Variants in FILIP1L observed in about 807,000 individuals in gnomAD.
The protein encoded by FILIP1L is filamin A-interacting protein 1-like.
FILIP1L carries 55 observed loss-of-function variants against 96.6 expected under a neutral mutation model. That is an observed-to-expected ratio of 0.57 (90% CI 0.46 to 0.71). FILIP1L has a LOEUF of 0.71. Ranked by LOEUF, FILIP1L falls within the 30% of genes least tolerant of loss-of-function variation. The pLI is 0.00. For synonymous variants in FILIP1L, 467 were observed against 473.9 expected (o/e 0.99, Z 0.19); for missense variants, 1,304 against 1,321.2 (o/e 0.99, Z 0.20).
In FILIP1L at chr3:99,854,767, G is replaced by A. The variant is rs1334746046; in HGVS notation, c.606-3697C>T. ...ATGTGTGTATGTCAGTCTGTCAGTA[G>A]AAGTTAGACTCCATCGTTTTGCTTT... On this transcript the variant is annotated intron_variant, in intron 4 of 5. Transcript: ENST00000477258. 3.3e-5 allele frequency among the ~76,000 whole-genome samples: 5 copies of A among 152,180 alleles called. No individual in the cohort carries two copies. The East Asian group carries it at 9.6e-4, about 29-fold the overall frequency.
chr3:99,850,320 CCTTT>C lies in FILIP1L; in HGVS notation c.1352_1355del (p.Glu451GlyfsTer2). On this transcript the variant is annotated frameshift_variant, in exon 5 of 6. Transcript: ENST00000477258. LOFTEE classifies it high-confidence loss of function. ...CTTGAGACAACTGCTTTGTGGTCAT[CCTTT>C]CTTTTTCTAAATTGCATTTCAGAGA... 6.2e-7 allele frequency: 1 copy of C among 1,613,242 alleles called. No homozygotes were observed. Among genetic ancestry groups the C allele is most frequent in the Non-Finnish European group, 8.5e-7 (1 of 1,179,912 alleles).
chr3:99,888,543 G>A lies in FILIP1L; in HGVS notation c.605+35687C>T, dbSNP rs188031738. 2.6e-3 allele frequency among the ~76,000 whole-genome samples: 400 copies of A among 152,264 alleles called. 1 individual carries two copies. The highest frequency in any genetic ancestry group is 4.1e-3 in the Non-Finnish European group (277 of 68,020). On this transcript the variant is annotated intron_variant, in intron 4 of 5. Transcript: ENST00000477258. ...CCCCTGAATATTAATGAGTTGGTTCGTTGGTTGGTTTTGTAGAGGTGCCTG... is the reference window on the plus strand; with the variant it reads ...CCCCTGAATATTAATGAGTTGGTTCATTGGTTGGTTTTGTAGAGGTGCCTG...
chr3:100,075,076 A>G (rs1180319190), intron 1 of FILIP1L, among the ~76,000 whole-genome samples: 1 of 152,002 alleles, frequency 6.6e-6, no homozygotes, highest in Non-Finnish European at 1.5e-5. Flanking sequence ...TTTAGGATAT[A>G]TTTTATTGGT....
chr3:99,966,609 G>T (rs1006346093), intron 1 of FILIP1L, among the ~76,000 whole-genome samples: 1 of 152,018 alleles, frequency 6.6e-6, no homozygotes. Context: ...AGAACCCTTC[G>T]CTCTGTATAT....
chr3:100,045,396 A>C (rs2065263265), intron 1 of FILIP1L, among the ~76,000 whole-genome samples: 1 of 152,242 alleles, frequency 6.6e-6, no homozygotes, highest in Non-Finnish European at 1.5e-5. Flanking sequence ...GAAAAGAGTG[A>C]ATAAAGGAAT....
chr3:100,011,204 A>G (rs1253509060), intron 1 of FILIP1L, among the ~76,000 whole-genome samples: 1 of 152,054 alleles, frequency 6.6e-6, no homozygotes, highest in Non-Finnish European at 1.5e-5. Context: ...TCTATATTTG[A>G]TACACTTTCT....
At chr3:100,044,429 G>T (rs1012111680) in intron 1 of FILIP1L, among the ~76,000 whole-genome samples, 6 of 152,198 alleles carry the variant, frequency 3.9e-5, no homozygotes, top group African/African-American at 1.2e-4. Flanking sequence ...GTAAGCTGAG[G>T]CTCAAAGAAT....
intron 1 of FILIP1L, among the ~76,000 whole-genome samples, chr3:100,096,527 CAT>C (rs149100403): frequency 0.016 from 2,419 of 152,124 alleles, 35 homozygotes; most frequent in Non-Finnish European, 0.024. Context: ...ACAAACATCA[CAT>C]GTTCTGACTT....
intron 3 of FILIP1L, among the ~76,000 whole-genome samples, chr3:99,926,230 G>A (rs989423054): frequency 7.2e-5 from 11 of 152,206 alleles, no homozygotes; most frequent in Non-Finnish European, 1.3e-4. Flanking sequence ...AGGTGTCCCA[G>A]CATATAGAAC....
In FILIP1L at chr3:99,849,767, G is replaced by A. The variant is rs113764818; in HGVS notation, c.1909C>T (p.Leu637=). ...ELSQEVERLK[L]KLKDMKAIED... ...ATGGCTTTCATGTCCTTTAGCTTCA[G>A]TTTCAGTCTTTCCACTTCTTGAGAG... The change falls in exon 5 of 6, where the codon CTG becomes TTG. Residue 637 remains leucine (L), a synonymous_variant. Coordinates refer to ENST00000477258, the MANE Select transcript of FILIP1L (RefSeq NM_001387850.1). 2.7e-5 allele frequency: 44 copies of A among 1,613,450 alleles called. No homozygotes were observed. In the African/African-American group the frequency reaches 3.2e-4, roughly 12 times the overall value.
rs146309101 is a variant in FILIP1L, at chr3:99,919,017, A to C, written c.605+5213T>G. ...CTACAACAATAGTTTAGTGTGTATG[A>C]AATTTAAAACTGCTGGCTTTCAAAA... On this transcript the variant is annotated intron_variant, in intron 4 of 5. Coordinates refer to ENST00000477258, the MANE Select transcript of FILIP1L (RefSeq NM_001387850.1). Among the ~76,000 whole-genome samples the C allele has an allele frequency of 2.4e-3, 369 of 152,322 alleles. 6 individuals carry two copies. The highest frequency in any genetic ancestry group is 8.0e-3 in the African/African-American group (333 of 41,574).
At chr3:99,983,464 GTATATATATATATA>G (rs1191587665) in intron 1 of FILIP1L, among the ~76,000 whole-genome samples, 152 of 12,686 alleles carry the variant, frequency 0.012, 8 homozygotes, top group African/African-American at 0.027. Context: ...ATATATGTGT[GTATATATATATATA>G]TATATATATA....
At chr3:99,931,227 A>G (rs1313572022) in intron 1 of FILIP1L, among the ~76,000 whole-genome samples, 197 bp from the exon 2 acceptor site, 2 of 152,120 alleles carry the variant, frequency 1.3e-5, no homozygotes, top group Non-Finnish European at 2.9e-5. Flanking sequence ...CTTTTAAAGC[A>G]AACATTTAAA....
intron 1 of FILIP1L, among the ~76,000 whole-genome samples, chr3:99,971,146 G>A (rs1325503284): frequency 6.6e-6 from 1 of 152,124 alleles, no homozygotes; most frequent in Non-Finnish European, 1.5e-5. Context: ...GACCATCCTG[G>A]CTAACATGGT....
intron 4 of FILIP1L, among the ~76,000 whole-genome samples, chr3:99,879,162 C>T (rs1182447809): frequency 6.6e-6 from 1 of 152,156 alleles, no homozygotes; most frequent in East Asian, 1.9e-4. Flanking sequence ...TCAGCACTAG[C>T]TTTAAACTGT....
chr3:99,854,178 G>C (rs1178164251), intron 4 of FILIP1L, among the ~76,000 whole-genome samples: 5 of 152,130 alleles, frequency 3.3e-5, no homozygotes, highest in Admixed American at 1.3e-4. Context: ...AGGGTGAGGA[G>C]GGTGTGGAGT....
chr3:100,055,376 G>A (rs1440852789), intron 1 of FILIP1L, among the ~76,000 whole-genome samples: 1 of 152,142 alleles, frequency 6.6e-6, no homozygotes. Context: ...CAAGGTGACT[G>A]TATGATCCAC....
intron 1 of FILIP1L, among the ~76,000 whole-genome samples, chr3:100,003,152 T>A (rs1411792876): frequency 1.3e-5 from 2 of 152,186 alleles, no homozygotes; most frequent in African/African-American, 4.8e-5. Flanking sequence ...TCTCTCCTTT[T>A]CCTGCCAAAT....
intron 1 of FILIP1L, among the ~76,000 whole-genome samples, chr3:100,061,902 T>G (rs549459331): frequency 2.7e-4 from 41 of 152,238 alleles, no homozygotes; most frequent in African/African-American, 9.9e-4. Flanking sequence ...ACAAAATCTG[T>G]CATTTTAACT....
Sources: allele counts gnomAD v4.1 joint callset (sites outside exome capture counted in the v4.1 genomes callset), GRCh38; gene constraint gnomAD v4.1.1; transcripts MANE v1.5; gene names NCBI Gene and HGNC (gene_info 2026-07-23, HGNC 2026-07-21).